Variants in TRPM3 observed in about 807,000 individuals in gnomAD.
TRPM3 encodes transient receptor potential cation channel subfamily M member 3, also known as long transient receptor potential channel 3.
A neutral mutation model predicts 181.2 loss-of-function variants in TRPM3; 77 were observed. The observed-to-expected ratio is 0.42, with a 90% CI of 0.35 to 0.51. The LOEUF is 0.51. TRPM3 is among the 20% of genes least tolerant of loss of function. The probability of loss-of-function intolerance (pLI) is 0.01; values close to 1 mark genes in which losing one functional copy is unlikely to be tolerated. For missense variants in TRPM3, 1,759 were observed against 2,196.7 expected, an observed-to-expected ratio of 0.80 and a Z score of 3.98; for synonymous variants, 745 against 796.4, an observed-to-expected ratio of 0.94 and a Z score of 1.09.
rs138685468 is a variant in TRPM3 at position 70,893,639 on chromosome 9, T to C, written c.178-29128A>G. Among the ~76,000 whole-genome samples the C allele has an allele frequency of 3.3e-5, 5 of 151,070 alleles. No homozygotes were observed. The East Asian group carries it at 9.7e-4, about 29-fold the overall frequency. ...GAAAAATTAGGGCCCTATACTCCTA[T>C]CTACTGAAAAGGGAAAACTGTAATT... On this transcript the variant is annotated intron_variant, in intron 1 of 25. Transcript: ENST00000677713.
At chr9:71,037,019 C>T (rs2132856327) in intron 1 of TRPM3, among the ~76,000 whole-genome samples, 1 of 152,132 alleles carries the variant, frequency 6.6e-6, no homozygotes, top group Admixed American at 6.5e-5. Context: ...AGATAGTTGC[C>T]ACACTAAAAC....
chr9:71,181,658 C>T (rs531468958), intron 1 of TRPM3, among the ~76,000 whole-genome samples: 1 of 152,064 alleles, frequency 6.6e-6, no homozygotes, highest in South Asian at 2.1e-4. Context: ...TGAAGTTTTT[C>T]TCTTTGAAAC....
chr9:71,060,136 A>C (rs542132887), intron 1 of TRPM3, among the ~76,000 whole-genome samples: 1 of 152,236 alleles, frequency 6.6e-6, no homozygotes, highest in East Asian at 1.9e-4. Flanking sequence ...ATCTGGGATC[A>C]ATGCAAGCAA....
At chr9:71,337,617 A>G (rs547029408) in intron 1 of TRPM3, among the ~76,000 whole-genome samples, 1 of 152,350 alleles carries the variant, frequency 6.6e-6, no homozygotes, top group Non-Finnish European at 1.5e-5. Flanking sequence ...GTTCTACTAT[A>G]AAGACACATG....
At chr9:70,840,422 G>T (rs2094564258) in intron 5 of TRPM3, among the ~76,000 whole-genome samples, 1 of 152,054 alleles carries the variant, frequency 6.6e-6, no homozygotes, top group South Asian at 2.1e-4. Flanking sequence ...CTGGTTCTTT[G>T]TGAGCTGTGG....
rs953794957 is a variant in TRPM3, at chr9:70,989,459, A to C, written c.178-124948T>G. On this transcript the variant is annotated intron_variant, in intron 1 of 25. Transcript: ENST00000677713. ...GCTAAACAATCTAGAAGCAACAGCA[A>C]CTGAACTTTTAACTTGGTGAAACAG... 4.6e-5 allele frequency among the ~76,000 whole-genome samples: 7 copies of C among 152,346 alleles called. 1 individual carries two copies. Among genetic ancestry groups the C allele is most frequent in the Admixed American group, 2.6e-4 (4 of 15,298 alleles).
intron 1 of TRPM3, among the ~76,000 whole-genome samples, chr9:71,274,690 A>C (rs1400756320): frequency 6.6e-6 from 1 of 152,216 alleles, no homozygotes. Context: ...CATTTTCTTG[A>C]ATCTATTCAC....
intron 1 of TRPM3, among the ~76,000 whole-genome samples, chr9:71,081,682 T>C (rs1591268893): frequency 1.3e-5 from 2 of 151,912 alleles, no homozygotes; most frequent in Admixed American, 1.3e-4. Flanking sequence ...CACACACACA[T>C]ACACACACAC....
chr9:71,021,650 A>G (rs1037686658), intron 1 of TRPM3, among the ~76,000 whole-genome samples: 1 of 152,214 alleles, frequency 6.6e-6, no homozygotes, highest in Non-Finnish European at 1.5e-5. Flanking sequence ...TAAATGTTGA[A>G]AAGTTTCACC....
chr9:70,675,235 G>A (rs2063765758), intron 9 of TRPM3, among the ~76,000 whole-genome samples: 1 of 152,132 alleles, frequency 6.6e-6, no homozygotes, highest in African/African-American at 2.4e-5. Context: ...CAAGTAGCTG[G>A]GACTACAGTC....
At chr9:71,001,027 T>C (rs1005056960) in intron 1 of TRPM3, among the ~76,000 whole-genome samples, 1 of 152,230 alleles carries the variant, frequency 6.6e-6, no homozygotes, top group Admixed American at 6.5e-5. Context: ...TAGTTTGGCC[T>C]ACTAAATTCC....
chr9:70,810,201 T>C (rs2091729057), intron 6 of TRPM3: 1 of 405,346 alleles, frequency 2.5e-6, no homozygotes, highest in Admixed American at 2.6e-5. Flanking sequence ...CCCACCCTCC[T>C]CTCCATCACC....
intron 1 of TRPM3, among the ~76,000 whole-genome samples, chr9:71,286,016 A>G (rs1368174122): frequency 1.4e-5 from 2 of 147,568 alleles, no homozygotes; most frequent in Non-Finnish European, 3.0e-5. Flanking sequence ...GCAAAAAGCC[A>G]TGTGATTTTC....
intron 1 of TRPM3, among the ~76,000 whole-genome samples, chr9:71,421,154 T>C (rs1588958667): frequency 1.3e-5 from 2 of 151,792 alleles, no homozygotes; most frequent in African/African-American, 4.8e-5. Context: ...AAGTGGGAGC[T>C]AAATATTGGA....
intron 1 of TRPM3, among the ~76,000 whole-genome samples, chr9:71,382,272 T>C (rs1288426097): frequency 6.6e-6 from 1 of 152,158 alleles, no homozygotes; most frequent in African/African-American, 2.4e-5. Flanking sequence ...GCTTAAATTA[T>C]AAGTAAAAGA....
intron 20 of TRPM3, among the ~76,000 whole-genome samples, chr9:70,599,179 A>G (rs2059477689): frequency 6.6e-6 from 1 of 152,170 alleles, no homozygotes; most frequent in Non-Finnish European, 1.5e-5. Context: ...TACAGATTGC[A>G]GCAGCCTTCT....
At chr9:70,797,819 G>T (rs2087613176) in intron 6 of TRPM3, among the ~76,000 whole-genome samples, 1 of 152,134 alleles carries the variant, frequency 6.6e-6, no homozygotes, top group Admixed American at 6.5e-5. Context: ...AGATCCCTCA[G>T]CTCCTCCAGG....
chr9:71,066,849 G>T (rs774383034), intron 1 of TRPM3, among the ~76,000 whole-genome samples: 2 of 152,002 alleles, frequency 1.3e-5, no homozygotes, highest in Non-Finnish European at 2.9e-5. Context: ...TTTTTATCTA[G>T]TCTCACTAGT....
intron 1 of TRPM3, among the ~76,000 whole-genome samples, chr9:71,038,847 A>G (rs1269337555): frequency 6.6e-6 from 1 of 152,102 alleles, no homozygotes; most frequent in African/African-American, 2.4e-5. Flanking sequence ...ATCACATTCC[A>G]AGCAGAGGAA....
Sources: allele counts gnomAD v4.1 joint callset (sites outside exome capture counted in the v4.1 genomes callset), GRCh38; gene constraint gnomAD v4.1.1; transcripts MANE v1.5; gene names NCBI Gene and HGNC (gene_info 2026-07-23, HGNC 2026-07-21).